Variants in MARCHF8 observed in about 807,000 individuals in gnomAD.
The protein encoded by MARCHF8 is membrane associated ring-CH-type finger 8.
A neutral mutation model predicts 51.6 loss-of-function variants in MARCHF8; 40 were observed. That is an observed-to-expected ratio of 0.77 (90% CI 0.60 to 1.01). MARCHF8 has a LOEUF of 1.01. Among genes scored for constraint, MARCHF8 ranks in the 50% least tolerant of loss-of-function variants. The pLI, the probability that MARCHF8 is intolerant of heterozygous loss-of-function variation, is 0.00. For missense variants in MARCHF8, 685 were observed against 708.6 expected (o/e 0.97, Z 0.38); for synonymous variants, 263 against 280.3 (o/e 0.94, Z 0.62).
intron 1 of MARCHF8, among the ~76,000 whole-genome samples, chr10:45,590,717 G>A (rs1026562419): frequency 3.9e-5 from 6 of 152,142 alleles, no homozygotes; most frequent in Admixed American, 2.6e-4. Flanking sequence ...CATATACAAC[G>A]TAAAATAACA....
chr10:45,470,907 G>A (rs1288978011), intron 3 of MARCHF8, among the ~76,000 whole-genome samples: 4 of 152,126 alleles, frequency 2.6e-5, no homozygotes, highest in African/African-American at 4.8e-5. Flanking sequence ...CTCTGCTTTC[G>A]ATAAATACCC....
rs923851004 is a variant in MARCHF8, at chr10:45,559,527, T to G, written c.-78-26238A>C. Among the ~76,000 whole-genome samples the G allele has an allele frequency of 3.3e-5, 5 of 152,240 alleles. No homozygotes were observed. In the East Asian group the frequency reaches 9.6e-4, roughly 29 times the overall value. On this transcript the variant is annotated intron_variant, in intron 1 of 6. Coordinates refer to the MARCHF8 transcript ENST00000319836. ...TGCGCCACCACGCCCAGCTAATGTTTGTATTTTTTAGTAGAGACGGGATTT... is the reference window on the plus strand; with the variant it reads ...TGCGCCACCACGCCCAGCTAATGTTGGTATTTTTTAGTAGAGACGGGATTT...
intron 1 of MARCHF8, among the ~76,000 whole-genome samples, chr10:45,571,656 C>T (rs897213132): frequency 2.0e-5 from 3 of 152,178 alleles, no homozygotes; most frequent in African/African-American, 7.2e-5. Context: ...GAAAGGTCCA[C>T]CTACGACCTC....
intron 1 of MARCHF8, among the ~76,000 whole-genome samples, chr10:45,586,903 G>C (rs1468683388): frequency 6.6e-6 from 1 of 151,816 alleles, no homozygotes; most frequent in Non-Finnish European, 1.5e-5. Context: ...CCAGTCTATA[G>C]TATACTGTTT....
intron 2 of MARCHF8, among the ~76,000 whole-genome samples, chr10:45,520,037 G>C (rs1307038164): frequency 6.6e-6 from 1 of 152,182 alleles, no homozygotes; most frequent in Non-Finnish European, 1.5e-5. Context: ...GCACTCAGCA[G>C]CAGTGACCCA....
chr10:45,513,232 T>TA (rs965127052), intron 2 of MARCHF8, among the ~76,000 whole-genome samples: 7 of 151,306 alleles, frequency 4.6e-5, no homozygotes, highest in Non-Finnish European at 5.9e-5. Flanking sequence ...TAAAAAAAAA[T>TA]AAATAAAATA....
Position 45,463,317 on chromosome 10 carries a change from C to T in MARCHF8, c.922G>A (p.Gly308Arg). 2 of 1,550,972 alleles carry T rather than the reference C, an allele frequency of 1.3e-6. No homozygotes were observed. Among genetic ancestry groups the T allele is most frequent in the Non-Finnish European group, 1.7e-6 (2 of 1,147,088 alleles). The change falls in exon 5 of 8, where the codon GGA becomes AGA. Residue 308 changes from glycine to arginine, a missense_variant. Coordinates refer to ENST00000453424, the MANE Select transcript of MARCHF8 (RefSeq NM_001282866.2). The part of the protein sequence containing the change: ...GSMGFCSDEM[G>R]DDDVFEDSTS... ...CTGTCCTCAAAGACATCGTCGTCTCCCATCTCGTCAGAGCAGAAGCCCATA... is the reference window on the plus strand; with the variant it reads ...CTGTCCTCAAAGACATCGTCGTCTCTCATCTCGTCAGAGCAGAAGCCCATA...
At chr10:45,509,471 T>C (rs1283721922) in intron 2 of MARCHF8, among the ~76,000 whole-genome samples, 9 of 152,200 alleles carry the variant, frequency 5.9e-5, no homozygotes, top group Non-Finnish European at 1.0e-4. Flanking sequence ...TAATAAATAT[T>C]CTATTTTCAG....
At chr10:45,502,540 G>C (rs2043300002) in intron 2 of MARCHF8, among the ~76,000 whole-genome samples, 1 of 152,104 alleles carries the variant, frequency 6.6e-6, no homozygotes, top group Non-Finnish European at 1.5e-5. Context: ...AATCTGGAAA[G>C]CAGAGAGAAA....
chr10:45,504,425 C>A (rs2043341743), intron 2 of MARCHF8, among the ~76,000 whole-genome samples: 1 of 152,212 alleles, frequency 6.6e-6, no homozygotes, highest in Non-Finnish European at 1.5e-5. Context: ...GCGTGGGAAA[C>A]AAGAGCGAAA....
At position 45,533,103 on chromosome 10, in the gene MARCHF8, C is replaced by T. The variant is rs775326712; in HGVS notation, c.102+7G>A. The T allele has an allele frequency of 3.1e-6, 5 of 1,597,390 alleles. No homozygotes were observed. The South Asian group carries it at 5.7e-5, about 18-fold the overall frequency. On this transcript the variant is annotated splice_region_variant and intron_variant, in intron 2 of 7. Coordinates refer to ENST00000453424, the MANE Select transcript of MARCHF8 (RefSeq NM_001282866.2). ...TAATGAAACTAAAAAAGATACTCTC[C>T]CAGTACCTGTTCTTCCCTCTCCTTT...
chr10:45,493,055 C>A (rs2043113773), intron 2 of MARCHF8, among the ~76,000 whole-genome samples: 1 of 152,300 alleles, frequency 6.6e-6, no homozygotes, highest in East Asian at 1.9e-4. Flanking sequence ...TACCACTGAA[C>A]TCCTCTGAAA....
chr10:45,534,306 C>T (rs1361706061), intron 1 of MARCHF8, among the ~76,000 whole-genome samples: 1 of 151,870 alleles, frequency 6.6e-6, no homozygotes, highest in African/African-American at 2.4e-5. Context: ...CTATAGTTTG[C>T]CAAACACTGC....
chr10:45,570,175 C>T (rs573582237), intron 1 of MARCHF8, among the ~76,000 whole-genome samples: 21 of 152,168 alleles, frequency 1.4e-4, no homozygotes, highest in African/African-American at 4.6e-4. Flanking sequence ...AGAAGGTTTG[C>T]ATAAACCCAT....
At chr10:45,514,366 T>C (rs2043585075) in intron 2 of MARCHF8, among the ~76,000 whole-genome samples, 1 of 152,254 alleles carries the variant, frequency 6.6e-6, no homozygotes, top group Non-Finnish European at 1.5e-5. Context: ...AATGCATTGG[T>C]GTGCGCTCAG....
upstream of MARCHF8, among the ~76,000 whole-genome samples, chr10:45,538,095 C>T (rs1046052421): frequency 6.6e-6 from 1 of 152,136 alleles, no homozygotes; most frequent in Admixed American, 6.5e-5. Context: ...CAAAGGGAAG[C>T]CCATCAGACT....
chr10:45,460,120 C>G (rs1284591635), intron 6 of MARCHF8, among the ~76,000 whole-genome samples: 1 of 152,174 alleles, frequency 6.6e-6, no homozygotes, highest in African/African-American at 2.4e-5. Flanking sequence ...CAAGCCTTCT[C>G]TAAATCTGGT....
chr10:45,525,016 A>G (rs951853225), intron 2 of MARCHF8, among the ~76,000 whole-genome samples: 3 of 152,226 alleles, frequency 2.0e-5, no homozygotes, highest in African/African-American at 7.2e-5. Flanking sequence ...GGTTTTTATT[A>G]TTTAAAAGGG....
At chr10:45,553,059 C>T (rs920280270) in intron 1 of MARCHF8, 1 of 151,990 alleles carries the variant, frequency 6.6e-6, no homozygotes, top group Non-Finnish European at 1.5e-5. Flanking sequence ...CTATAAAAGA[C>T]TAGAAAACAA....
Sources: allele counts gnomAD v4.1 joint callset (sites outside exome capture counted in the v4.1 genomes callset), GRCh38; gene constraint gnomAD v4.1.1; transcripts MANE v1.5; gene names NCBI Gene and HGNC (gene_info 2026-07-23, HGNC 2026-07-21).